The following CCDC181 variants were observed in gnomAD, a reference collection of about 807,000 sequenced individuals.
CCDC181 encodes coiled-coil domain-containing protein 181.
CCDC181 carries 35 observed loss-of-function variants against 58.7 expected under a neutral mutation model. The ratio of observed to expected loss-of-function variants is 0.60; its 90% CI spans 0.46 to 0.79. CCDC181 has a LOEUF of 0.79. CCDC181 is among the 30% of genes least tolerant of loss of function. The probability of loss-of-function intolerance (pLI) is 0.00; values close to 1 mark genes in which losing one functional copy is unlikely to be tolerated. For missense variants in CCDC181, 517 were observed against 583.9 expected, an observed-to-expected ratio of 0.89 and a Z score of 1.18; for synonymous variants, 183 against 197.5, an observed-to-expected ratio of 0.93 and a Z score of 0.62.
chr1:169,445,180 G>A (rs758383451), intron 2 of CCDC181, among the ~76,000 whole-genome samples: 6 of 152,030 alleles, frequency 3.9e-5, no homozygotes, highest in Non-Finnish European at 7.4e-5. Flanking sequence ...CCTTCCTATC[G>A]TTCAGATGAG....
intron 2 of CCDC181, among the ~76,000 whole-genome samples, chr1:169,459,558 G>T (rs548757913): frequency 8.7e-4 from 133 of 152,186 alleles, no homozygotes; most frequent in African/African-American, 3.1e-3. Flanking sequence ...AGCCCAAAAT[G>T]CAGAGAAAAT....
intron 2 of CCDC181, among the ~76,000 whole-genome samples, chr1:169,433,246 T>G (rs1440818554): frequency 6.6e-6 from 1 of 151,920 alleles, no homozygotes; most frequent in African/African-American, 2.4e-5. Context: ...TAAAAAAGAA[T>G]AAAATACTTA....
chr1:169,443,930 CAGAA>C (rs1657300152), intron 2 of CCDC181, among the ~76,000 whole-genome samples: 1 of 152,094 alleles, frequency 6.6e-6, no homozygotes, highest in South Asian at 2.1e-4. Context: ...TATCACTTCA[CAGAA>C]AGACTAAAAG....
chr1:169,404,256 C>T (rs1441435915), intron 4 of CCDC181, among the ~76,000 whole-genome samples: 2 of 152,192 alleles, frequency 1.3e-5, no homozygotes, highest in Admixed American at 1.3e-4. Context: ...GGTACCATTC[C>T]TTCTGAAACT....
chr1:169,427,135 C>T (rs1274082129), intron 1 of CCDC181, among the ~76,000 whole-genome samples, 153 bp downstream of exon 1: 4 of 152,290 alleles, frequency 2.6e-5, no homozygotes, highest in African/African-American at 9.6e-5. Context: ...CGGTGGACCT[C>T]GGACTCCAGA....
intron 3 of CCDC181, among the ~76,000 whole-genome samples, chr1:169,419,903 A>G (rs2102086805): frequency 6.6e-6 from 1 of 152,318 alleles, no homozygotes; most frequent in Non-Finnish European, 1.5e-5. Flanking sequence ...TATGGGCATA[A>G]AAAAGCAAAG....
chr1:169,427,511 A>T (rs541752195), upstream of CCDC181: 1 of 152,222 alleles, frequency 6.6e-6, no homozygotes, highest in Non-Finnish European at 1.5e-5. Context: ...ATATCCTCAG[A>T]CCACCGACCC....
chr1:169,395,153 T>A lies in CCDC181; in HGVS notation c.1424A>T (p.Glu475Val), dbSNP rs199667249. The A allele has an allele frequency of 1.2e-6, 2 of 1,613,108 alleles. No individual in the cohort carries two copies. Among genetic ancestry groups the A allele is most frequent in the East Asian group, 4.5e-5 (2 of 44,838 alleles). ...TTCTAGTCGGAGCTGTCTAGTTCTC[T>A]CTCTGACAGCTTGTTGCTCTGCCAT... ...EKMAEQQAVR[E>V]RTRQLRLEAK... The change falls in exon 6 of 6, where the codon GAG becomes GTG. Residue 475 changes from glutamate (E) to valine (V), a missense_variant. Physicochemically the swap from Glu to Val is moderately radical, Grantham distance 121 (BLOSUM62 -2). Transcript: ENST00000367806.
chr1:169,455,888 A>G (rs2101761949), intron 2 of CCDC181, among the ~76,000 whole-genome samples: 1 of 152,290 alleles, frequency 6.6e-6, no homozygotes, highest in Admixed American at 6.5e-5. Flanking sequence ...AGCTATTTAA[A>G]CAATCTTTTA....
At chr1:169,422,421 T>G in intron 2 of CCDC181, 108 bp from the exon 3 acceptor site, 2 of 766,784 alleles carry the variant, frequency 2.6e-6, no homozygotes, top group Non-Finnish European at 4.0e-6. Flanking sequence ...ATGGGAAAAT[T>G]TAAGTGTTTA....
chr1:169,440,823 A>G (rs901523329), intron 2 of CCDC181, among the ~76,000 whole-genome samples: 1 of 151,718 alleles, frequency 6.6e-6, no homozygotes, highest in Non-Finnish European at 1.5e-5. Context: ...AATCCCAGCT[A>G]CTTGGGAAGC....
intron 2 of CCDC181, among the ~76,000 whole-genome samples, chr1:169,423,437 T>C (rs1656575901): frequency 6.6e-6 from 1 of 151,946 alleles, no homozygotes; most frequent in Non-Finnish European, 1.5e-5. Context: ...GCTTTTCTTT[T>C]CTTTTCTTTT....
intron 4 of CCDC181, among the ~76,000 whole-genome samples, chr1:169,406,710 C>T (rs12095660): frequency 0.015 from 2,208 of 151,920 alleles, 58 homozygotes; most frequent in African/African-American, 0.05. Context: ...GGGTGCAGCA[C>T]ACCAACATGG....
upstream of CCDC181, among the ~76,000 whole-genome samples, chr1:169,430,837 T>C (rs941114175): frequency 8.5e-5 from 13 of 152,296 alleles, no homozygotes; most frequent in African/African-American, 2.6e-4. Context: ...AGGTTTCCCA[T>C]TGGACACTTT....
At chr1:169,459,167 A>G (rs1277265889) in intron 2 of CCDC181, among the ~76,000 whole-genome samples, 1 of 152,232 alleles carries the variant, frequency 6.6e-6, no homozygotes, top group Non-Finnish European at 1.5e-5. Flanking sequence ...ATGGAACCAG[A>G]ATATTTGCCA....
chr1:169,418,125 T>C (rs1656295524), intron 4 of CCDC181, among the ~76,000 whole-genome samples: 1 of 152,204 alleles, frequency 6.6e-6, no homozygotes, highest in African/African-American at 2.4e-5. Flanking sequence ...AACATTTCAC[T>C]CTAAGCCTTC....
intron 2 of CCDC181, among the ~76,000 whole-genome samples, chr1:169,441,589 G>A (rs1028667075): frequency 4.6e-5 from 7 of 151,740 alleles, no homozygotes; most frequent in African/African-American, 1.7e-4. Context: ...TCTGGCTATC[G>A]ATAACTATAC....
At chr1:169,441,602 G>A (rs887616602) in intron 2 of CCDC181, among the ~76,000 whole-genome samples, 1 of 151,906 alleles carries the variant, frequency 6.6e-6, no homozygotes, top group South Asian at 2.1e-4. Context: ...AACTATACAA[G>A]GGAAGAAAAT....
intron 2 of CCDC181, among the ~76,000 whole-genome samples, chr1:169,455,691 G>A (rs1657661012): frequency 6.6e-6 from 1 of 152,090 alleles, no homozygotes; most frequent in African/African-American, 2.4e-5. Context: ...CTTCCTAGCA[G>A]CCAATACAGT....
Sources: allele counts gnomAD v4.1 joint callset (sites outside exome capture counted in the v4.1 genomes callset), GRCh38; gene constraint gnomAD v4.1.1; transcripts MANE v1.5; gene names NCBI Gene and HGNC (gene_info 2026-07-23, HGNC 2026-07-21).